PPCDC: variants seen among roughly 807,000 people sequenced by gnomAD.
PPCDC encodes the protein phosphopantothenoylcysteine decarboxylase.
A neutral mutation model predicts 20.7 loss-of-function variants in PPCDC; 20 were observed. That is an observed-to-expected ratio of 0.97 (90% confidence interval 0.68 to 1.41). The LOEUF (loss-of-function observed/expected upper bound fraction) is 1.41, where lower values mean the gene tolerates loss of function less well. PPCDC is among the 40% of genes most tolerant of loss of function. The pLI is 0.00. For synonymous variants in PPCDC, 88 were observed against 100.3 expected (o/e 0.88, Z 0.73); for missense variants, 246 against 263.8 (o/e 0.93, Z 0.47).
chr15:75,043,258 C>T, intron 2 of PPCDC, 183 bp from the exon 3 acceptor site: 1 of 577,556 alleles, frequency 1.7e-6, no homozygotes. Context: ...AGGGCCTGAC[C>T]TTTGGGTGAC....
intron 2 of PPCDC, among the ~76,000 whole-genome samples, chr15:75,031,563 C>T (rs890887802): frequency 3.9e-5 from 6 of 152,124 alleles, no homozygotes; most frequent in South Asian, 2.1e-4. Flanking sequence ...AAAAATTACC[C>T]GGTTGTGGTG....
chr15:75,037,357 A>T (rs2066097820), intron 2 of PPCDC, among the ~76,000 whole-genome samples: 1 of 152,218 alleles, frequency 6.6e-6, no homozygotes, highest in Non-Finnish European at 1.5e-5. Context: ...GGCAAAACTC[A>T]GGAGGCTCGA....
intron 2 of PPCDC, among the ~76,000 whole-genome samples, chr15:75,037,419 T>A (rs1184622106): frequency 6.6e-6 from 1 of 152,134 alleles, no homozygotes; most frequent in Non-Finnish European, 1.5e-5. Context: ...TGTCTGGTGC[T>A]GGAGGCCAGT....
intron 4 of PPCDC, 139 bp from the exon 5 acceptor site, chr15:75,048,414 A>C: frequency 8.6e-7 from 1 of 1,157,400 alleles, no homozygotes; most frequent in Non-Finnish European, 1.2e-6. Context: ...CCCCTGAGGG[A>C]TGAGACAGCT....
intron 2 of PPCDC, among the ~76,000 whole-genome samples, chr15:75,029,638 G>A (rs1021585313): frequency 7.2e-5 from 11 of 152,190 alleles, no homozygotes; most frequent in Non-Finnish European, 1.3e-4. Flanking sequence ...AGGCCAGAGT[G>A]GGGGAGGGAG....
At chr15:75,046,775 C>T (rs1440067151) in intron 4 of PPCDC, among the ~76,000 whole-genome samples, 1 of 152,276 alleles carries the variant, frequency 6.6e-6, no homozygotes, top group Non-Finnish European at 1.5e-5. Flanking sequence ...GCATGGGGTG[C>T]TGTGAGGGCA....
At position 75,048,591 on chromosome 15, in the gene PPCDC, G is replaced by T; in HGVS notation, c.399G>T (p.Leu133=). The T allele has an allele frequency of 6.2e-7, 1 of 1,614,214 alleles. No homozygotes were observed. The change falls in exon 5 of 6, where the codon CTG becomes CTT. Residue 133 remains leucine (L), a synonymous_variant. Coordinates refer to ENST00000342932, the MANE Select transcript of PPCDC (RefSeq NM_021823.5). ...GGGCCTGGGACCGCAGCAAGCCCCT[G>T]CTCTTCTGCCCGGCCATGAACACCG... is the stretch of plus-strand genomic sequence containing the variant. ...VMRAWDRSKP[L]LFCPAMNTAM... is the part of the protein sequence containing the mutation.
At chr15:75,041,079 T>C (rs1341925875) in intron 2 of PPCDC, among the ~76,000 whole-genome samples, 3 of 152,244 alleles carry the variant, frequency 2.0e-5, no homozygotes, top group African/African-American at 7.2e-5. Context: ...TTATTCTTCT[T>C]ATGGTTACCA....
Position 75,023,594 on chromosome 15 carries a change from T to C in PPCDC, c.-105T>C, listed in dbSNP as rs1294830922. 1 of 152,170 alleles carries C rather than the reference T, an allele frequency of 6.6e-6. No individual in the cohort carries two copies. The highest frequency in any genetic ancestry group is 1.9e-4 in the East Asian group (1 of 5,186). The allele number at this position is 152,170 out of a possible 1,614,324, so 9.4% of individuals were successfully genotyped here. On this transcript the variant is annotated 5_prime_UTR_variant, in exon 1 of 6. Coordinates refer to ENST00000342932, the MANE Select transcript of PPCDC (RefSeq NM_021823.5). ...GGAGAGCGGCAGAGATACCGCGATA[T>C]TTGGGAGCGGCCCCGAGACGCGCCT...
intron 2 of PPCDC, among the ~76,000 whole-genome samples, chr15:75,040,617 C>T (rs915277276): frequency 5.0e-4 from 76 of 152,038 alleles, no homozygotes; most frequent in African/African-American, 1.7e-3. Context: ...TTAGGATTTA[C>T]CTATGCTGTC....
intron 1 of PPCDC, among the ~76,000 whole-genome samples, chr15:75,026,014 T>C (rs1042785976): frequency 6.6e-6 from 1 of 152,234 alleles, no homozygotes; most frequent in African/African-American, 2.4e-5. Flanking sequence ...GGCTAAGTAC[T>C]GTATTTCGGA....
At chr15:75,041,380 A>G (rs964594133) in intron 2 of PPCDC, among the ~76,000 whole-genome samples, 1 of 152,202 alleles carries the variant, frequency 6.6e-6, no homozygotes, top group Non-Finnish European at 1.5e-5. Flanking sequence ...TTGTAATCCT[A>G]GCACTTTGAG....
chr15:75,028,015 G>A (rs545028086), intron 1 of PPCDC, among the ~76,000 whole-genome samples: 1 of 152,320 alleles, frequency 6.6e-6, no homozygotes, highest in East Asian at 1.9e-4. Context: ...TGGTCACCCT[G>A]AGCAGCCACG....
In PPCDC at chr15:75,036,886, A is replaced by G. The variant is rs564739134; in HGVS notation, c.136-6555A>G. On this transcript the variant is annotated intron_variant, in intron 2 of 5. Coordinates refer to ENST00000342932, the MANE Select transcript of PPCDC (RefSeq NM_021823.5). ...GAGTTTTGCCCTGTTGCCCAGGCTC[A>G]TCCCAAACTTCTGAGCTCAAGCAAT... Among the ~76,000 whole-genome samples, 820 of 151,958 alleles carry G rather than the reference A, an allele frequency of 5.4e-3. 6 individuals are homozygous for G. The highest frequency in any genetic ancestry group is 0.019 in the African/African-American group (787 of 41,400).
At position 75,031,602 on chromosome 15, in the gene PPCDC, G is replaced by T. The variant is rs150279676; in HGVS notation, c.135+3149G>T. 2.6e-5 allele frequency among the ~76,000 whole-genome samples: 4 copies of T among 152,226 alleles called. No homozygotes were observed. The South Asian group carries it at 8.3e-4, about 32-fold the overall frequency. On this transcript the variant is annotated intron_variant, in intron 2 of 5. Coordinates refer to ENST00000342932, the MANE Select transcript of PPCDC (RefSeq NM_021823.5). ...GCCTATAATCCCAGTTACTCAGGAG[G>T]CGGAGGCAGGAGAATCGCTTGAACC...
In PPCDC at chr15:75,049,193, G is replaced by A. The variant is rs2066280982; in HGVS notation, c.573G>A (p.Val191=). Residue 191 remains valine (V), a synonymous_variant, in exon 6 of 6, where the codon GTG becomes GTA. Transcript: ENST00000342932. ...AAGTGGGGACCATCGTGGACAAAGT[G>A]AAAGAAGTCCTCTTCCAGCACAGTG... ...MAEVGTIVDK[V]KEVLFQHSGF... 1.2e-6 allele frequency: 2 copies of A among 1,614,236 alleles called. No homozygotes were observed. The highest frequency in any genetic ancestry group is 1.7e-6 in the Non-Finnish European group (2 of 1,180,038).
chr15:75,044,612 C>T (rs992427454), intron 4 of PPCDC, 98 bp downstream of exon 4: 20 of 1,464,724 alleles, frequency 1.4e-5, no homozygotes, highest in Non-Finnish European at 1.8e-5. Flanking sequence ...TGCTGTGGGG[C>T]CCCGGTCTGC....
intron 4 of PPCDC, 105 bp downstream of exon 4, chr15:75,044,619 C>G (rs2066204770): frequency 1.4e-6 from 2 of 1,444,150 alleles, no homozygotes; most frequent in Non-Finnish European, 1.9e-6. Flanking sequence ...GGGCCCCGGT[C>G]TGCCCAGGGA....
chr15:75,029,569 C>T (rs7172065), intron 2 of PPCDC, among the ~76,000 whole-genome samples: 12,733 of 152,200 alleles, frequency 0.084, 1,191 homozygotes, highest in South Asian at 0.43. Context: ...AAAGTCACCC[C>T]ATCACCCCAC....
Sources: allele counts gnomAD v4.1 joint callset (sites outside exome capture counted in the v4.1 genomes callset), GRCh38; gene constraint gnomAD v4.1.1; transcripts MANE v1.5; gene names NCBI Gene and HGNC (gene_info 2026-07-23, HGNC 2026-07-21).